Variants in GALNT13 observed in about 807,000 individuals in gnomAD.
GALNT13 encodes the protein polypeptide N-acetylgalactosaminyltransferase 13, also known as UDP-GalNAc:polypeptide N-acetylgalactosaminyltransferase 13.
Under a neutral mutation model 64.2 loss-of-function variants are expected in GALNT13, and 28 were observed. The ratio of observed to expected loss-of-function variants is 0.44; its 90% CI spans 0.32 to 0.60. The LOEUF (loss-of-function observed/expected upper bound fraction) is 0.60. GALNT13 is among the 20% of genes least tolerant of loss of function. GALNT13 has a pLI of 0.05. For synonymous variants in GALNT13, 214 were observed against 224.6 expected, an observed-to-expected ratio of 0.95 and a Z score of 0.42; for missense variants, 577 against 669.8, an observed-to-expected ratio of 0.86 and a Z score of 1.53.
At chr2:153,199,745 C>T in the GALNT13 span, among the ~76,000 whole-genome samples, 1 of 151,904 alleles carries the variant, frequency 6.6e-6, no homozygotes, top group African/African-American at 2.4e-5. Context: ...GTAAATTTAC[C>T]AGAAAAGCAA....
At chr2:153,853,136 A>G in the GALNT13 span, among the ~76,000 whole-genome samples, 1 of 152,214 alleles carries the variant, frequency 6.6e-6, no homozygotes, top group Non-Finnish European at 1.5e-5. Flanking sequence ...AGAAGCATCT[A>G]GCACGAGAGA....
intron 4 of GALNT13, among the ~76,000 whole-genome samples, chr2:154,186,024 A>G (rs191800855): frequency 5.2e-4 from 79 of 152,192 alleles, no homozygotes; most frequent in African/African-American, 1.9e-3. Context: ...ATGTCATAAA[A>G]TTACATTGGC....
At chr2:154,001,240 A>G (rs750139918) in intron 3 of GALNT13, among the ~76,000 whole-genome samples, 4 of 151,954 alleles carry the variant, frequency 2.6e-5, no homozygotes, top group Non-Finnish European at 4.4e-5. Flanking sequence ...AAAATGTTAT[A>G]TAGTCACTCT....
chr2:154,417,509 A>ATTTTTTTTTTTTTTTTTTTTT (rs1202687837), intron 11 of GALNT13, among the ~76,000 whole-genome samples: 3 of 133,402 alleles, frequency 2.2e-5, no homozygotes, highest in Admixed American at 7.7e-5. Flanking sequence ...TTATTTATTT[A>ATTTTTTTTTTTTTTTTTTTTT]TTTATTTATT....
At chr2:153,331,483 A>G in the GALNT13 span, among the ~76,000 whole-genome samples, 1 of 152,140 alleles carries the variant, frequency 6.6e-6, no homozygotes, top group Non-Finnish European at 1.5e-5. Context: ...AGGTTCCACA[A>G]TAGACTGTCT....
At chr2:153,099,567 A>G in the GALNT13 span, among the ~76,000 whole-genome samples, 1 of 152,208 alleles carries the variant, frequency 6.6e-6, no homozygotes, top group Non-Finnish European at 1.5e-5. Flanking sequence ...AGATGAAGTA[A>G]TTATGCTTAA....
chr2:153,790,801 C>A, the GALNT13 span, among the ~76,000 whole-genome samples: 1 of 152,068 alleles, frequency 6.6e-6, no homozygotes, highest in Non-Finnish European at 1.5e-5. Context: ...TTCCTATACA[C>A]CCACAAAAAT....
intron 3 of GALNT13, among the ~76,000 whole-genome samples, chr2:154,059,871 G>C (rs1037380021): frequency 1.3e-5 from 2 of 152,144 alleles, no homozygotes; most frequent in African/African-American, 4.8e-5. Context: ...CAAGGTGTGG[G>C]CACGGTTAAG....
chr2:154,347,222 C>A (rs2105242504), intron 9 of GALNT13, among the ~76,000 whole-genome samples: 1 of 152,098 alleles, frequency 6.6e-6, no homozygotes, highest in African/African-American at 2.4e-5. Context: ...CTTGTATTTC[C>A]TCTTCTATAT....
chr2:154,342,265 G>A (rs562748829), intron 9 of GALNT13, among the ~76,000 whole-genome samples: 1 of 152,114 alleles, frequency 6.6e-6, no homozygotes, highest in African/African-American at 2.4e-5. Context: ...TCTAATAAGG[G>A]TTGAGTACTG....
chr2:153,463,587 T>C, the GALNT13 span, among the ~76,000 whole-genome samples: 9 of 152,064 alleles, frequency 5.9e-5, no homozygotes, highest in African/African-American at 2.4e-5. Context: ...GTCAGCATGA[T>C]GTAGCATATG....
chr2:153,167,054 C>T, the GALNT13 span, among the ~76,000 whole-genome samples: 3 of 152,160 alleles, frequency 2.0e-5, no homozygotes, highest in African/African-American at 4.8e-5. Flanking sequence ...GCTCCTGACC[C>T]GAAGAAACTA....
intron 3 of GALNT13, among the ~76,000 whole-genome samples, chr2:153,966,223 T>TTC (rs1041628025): frequency 6.7e-6 from 1 of 149,882 alleles, no homozygotes; most frequent in Non-Finnish European, 1.5e-5. Context: ...GGATTTCTTT[T>TTC]TTTTTTTTTT....
intron 4 of GALNT13, among the ~76,000 whole-genome samples, chr2:154,211,176 A>AGAGT (rs1687740291): frequency 6.6e-6 from 1 of 152,162 alleles, no homozygotes; most frequent in South Asian, 2.1e-4. Flanking sequence ...CAAACATCAT[A>AGAGT]GAGTGTACTT....
chr2:153,742,261 A>G, the GALNT13 span, among the ~76,000 whole-genome samples: 2 of 152,126 alleles, frequency 1.3e-5, no homozygotes, highest in South Asian at 2.1e-4. Context: ...TTTTACCTTC[A>G]TATAATGTCC....
the GALNT13 span, among the ~76,000 whole-genome samples, chr2:153,649,856 A>G: frequency 6.6e-6 from 1 of 152,126 alleles, no homozygotes; most frequent in African/African-American, 2.4e-5. Flanking sequence ...CTGTTCTTTT[A>G]CATTTGCTGA....
At chr2:153,684,828 C>T in the GALNT13 span, among the ~76,000 whole-genome samples, 71,619 of 151,326 alleles carry the variant, frequency 0.47, 17,367 homozygotes, top group Admixed American at 0.52. Flanking sequence ...CAAAAGGCCC[C>T]ATTGTGTGTT....
the GALNT13 span, among the ~76,000 whole-genome samples, chr2:153,697,203 T>C: frequency 6.6e-6 from 1 of 152,212 alleles, no homozygotes; most frequent in African/African-American, 2.4e-5. Context: ...TGGTCTCTTC[T>C]GTCTGTTGAT....
chr2:154,431,447 A>T (rs1274645590), intron 11 of GALNT13, among the ~76,000 whole-genome samples: 1 of 152,220 alleles, frequency 6.6e-6, no homozygotes, highest in Non-Finnish European at 1.5e-5. Flanking sequence ...CTGGGAAAAA[A>T]AATGTGGACA....
Sources: gnomAD v4.1 joint callset for allele counts (sites outside exome capture counted in the v4.1 genomes callset) on GRCh38, gnomAD v4.1.1 for gene constraint, MANE v1.5 for transcripts, NCBI Gene and HGNC (gene_info 2026-07-23, HGNC 2026-07-21) for gene names.